Variants in TRPC5 observed in about 807,000 individuals in gnomAD.
TRPC5 encodes the protein transient receptor potential cation channel subfamily C member 5, also known as short transient receptor potential channel 5.
A neutral mutation model predicts 56.5 loss-of-function variants in TRPC5; 9 were observed. The ratio of observed to expected loss-of-function variants is 0.16; its 90% CI spans 0.10 to 0.28. The LOEUF is 0.28. Among genes scored for constraint, TRPC5 ranks in the 10% least tolerant of loss-of-function variants. The pLI, the probability that TRPC5 is intolerant of heterozygous loss-of-function variation, is 1.00. For synonymous variants in TRPC5, 282 were observed against 278.5 expected (o/e 1.01, Z -0.13); for missense variants, 469 against 748.9 (o/e 0.63, Z 4.36).
At chrX:111,961,706 T>C (rs1375854051) in intron 1 of TRPC5, among the ~76,000 whole-genome samples, 1 of 112,126 alleles carries the variant, frequency 8.9e-6, no homozygotes, top group Admixed American at 9.5e-5. Flanking sequence ...TTGCTCAGTA[T>C]AGCTTCCTAG....
intron 7 of TRPC5, among the ~76,000 whole-genome samples, chrX:111,795,051 T>C (rs1946049378): frequency 1.8e-5 from 2 of 111,645 alleles, no homozygotes; most frequent in Admixed American, 9.6e-5. Context: ...GTAGATTCCA[T>C]AGGGGTCTCT....
chrX:111,829,292 A>G (rs1429740668), intron 7 of TRPC5, among the ~76,000 whole-genome samples: 1 of 86,484 alleles, frequency 1.2e-5, no homozygotes, highest in Non-Finnish European at 2.2e-5. Flanking sequence ...ACAGTATGAG[A>G]CTCTGTCTCA....
intron 1 of TRPC5, among the ~76,000 whole-genome samples, chrX:111,955,931 C>G (rs1254758738): frequency 1.8e-5 from 2 of 112,359 alleles, no homozygotes; most frequent in Non-Finnish European, 3.8e-5. Flanking sequence ...GCCATTCTGC[C>G]AGTGAACCCG....
chrX:111,861,895 C>A (rs1024606752), intron 3 of TRPC5, among the ~76,000 whole-genome samples: 13 of 111,050 alleles, frequency 1.2e-4, no homozygotes, highest in Admixed American at 5.7e-4. Flanking sequence ...CTGGCTCCCA[C>A]ATGAACATTA....
intron 1 of TRPC5, among the ~76,000 whole-genome samples, chrX:111,996,218 T>A (rs2148658085): frequency 8.9e-6 from 1 of 112,373 alleles, no homozygotes; most frequent in East Asian, 2.8e-4. Flanking sequence ...AACATCTTTA[T>A]TTCTGCCTTC....
intron 3 of TRPC5, among the ~76,000 whole-genome samples, chrX:111,866,823 G>T (rs1278118518): frequency 2.7e-5 from 3 of 112,366 alleles, no homozygotes; most frequent in Non-Finnish European, 5.6e-5. Flanking sequence ...CTGTCTAAAG[G>T]ATCAATAGGA....
At chrX:112,031,071 T>C (rs1450371507) in intron 1 of TRPC5, among the ~76,000 whole-genome samples, 1 of 111,843 alleles carries the variant, frequency 8.9e-6, no homozygotes, top group Non-Finnish European at 1.9e-5. Flanking sequence ...ACCTAATGTC[T>C]ATTCCACTAT....
At chrX:111,794,062 T>C (rs1304685072) in intron 7 of TRPC5, among the ~76,000 whole-genome samples, 2 of 111,371 alleles carry the variant, frequency 1.8e-5, no homozygotes, top group Non-Finnish European at 3.8e-5. Flanking sequence ...GAGAAGGGAA[T>C]AGGGGGTATG....
intron 1 of TRPC5, among the ~76,000 whole-genome samples, chrX:111,988,279 A>G (rs1928264050): frequency 9.0e-6 from 1 of 111,608 alleles, no homozygotes. Context: ...GTCAGAGAAC[A>G]AGAACCTGCT....
chrX:111,905,166 ATT>A (rs370766291), intron 3 of TRPC5, among the ~76,000 whole-genome samples: 2 of 106,781 alleles, frequency 1.9e-5, no homozygotes, highest in African/African-American at 6.8e-5. Context: ...GATTTTTATG[ATT>A]TTTTTTTTAC....
chrX:111,980,033 G>A (rs1928036439), intron 1 of TRPC5, among the ~76,000 whole-genome samples: 1 of 111,644 alleles, frequency 9.0e-6, no homozygotes, highest in Admixed American at 9.6e-5. Context: ...AATTTTCATA[G>A]TGGCTTTATT....
chrX:111,943,709 G>C (rs1305554197), intron 2 of TRPC5, among the ~76,000 whole-genome samples: 1 of 112,250 alleles, frequency 8.9e-6, no homozygotes, highest in Non-Finnish European at 1.9e-5. Context: ...CTACCTCCCT[G>C]TTGCTCAAAT....
intron 1 of TRPC5, among the ~76,000 whole-genome samples, chrX:111,966,781 T>C (rs1226948625): frequency 1.8e-5 from 2 of 111,856 alleles, no homozygotes; most frequent in African/African-American, 6.5e-5. Flanking sequence ...ATTCAACAAC[T>C]CTTCATGCTA....
intron 3 of TRPC5, among the ~76,000 whole-genome samples, chrX:111,861,600 C>T (rs1221605965): frequency 9.0e-6 from 1 of 111,119 alleles, no homozygotes; most frequent in Non-Finnish European, 1.9e-5. Flanking sequence ...AATGTAAAAC[C>T]TGTTAATTTT....
At chrX:111,962,667 T>G (rs1262203139) in intron 1 of TRPC5, among the ~76,000 whole-genome samples, 1 of 112,674 alleles carries the variant, frequency 8.9e-6, no homozygotes, top group Non-Finnish European at 1.9e-5. Context: ...TACATAAACT[T>G]AGTTGATAAA....
chrX:111,817,153 G>C (rs1921882339), intron 7 of TRPC5, among the ~76,000 whole-genome samples: 1 of 110,128 alleles, frequency 9.1e-6, no homozygotes, highest in Non-Finnish European at 1.9e-5. Flanking sequence ...CTACATAAGG[G>C]CTTTCTGGCC....
intron 3 of TRPC5, among the ~76,000 whole-genome samples, chrX:111,908,422 C>A (rs1925700388): frequency 9.0e-6 from 1 of 111,175 alleles, no homozygotes; most frequent in Non-Finnish European, 1.9e-5. Context: ...AAATTTGGAG[C>A]AAAATATATA....
intron 7 of TRPC5, among the ~76,000 whole-genome samples, chrX:111,788,775 CAAACAGAG>C (rs1006292628): frequency 1.8e-4 from 20 of 108,196 alleles, no homozygotes; most frequent in African/African-American, 7.2e-4. Context: ...CAATAACAGA[CAAACAGAG>C]AGCCAAATCA....
chrX:112,015,608 C>T (rs776813243), intron 1 of TRPC5, among the ~76,000 whole-genome samples: 7 of 111,220 alleles, frequency 6.3e-5, no homozygotes, highest in Non-Finnish European at 1.1e-4. Flanking sequence ...GGGCACAATT[C>T]GCGTCATCCG....
Sources: allele counts gnomAD v4.1 joint callset (sites outside exome capture counted in the v4.1 genomes callset), GRCh38; gene constraint gnomAD v4.1.1; transcripts MANE v1.5; gene names NCBI Gene and HGNC (gene_info 2026-07-23, HGNC 2026-07-21).